The following SCRN3 variants were observed in gnomAD, a reference collection of about 807,000 sequenced individuals.
SCRN3 encodes secernin-3.
SCRN3 carries 39 observed loss-of-function variants against 43.1 expected under a neutral mutation model. The observed-to-expected ratio is 0.91, with a 90% CI of 0.70 to 1.18. The LOEUF is 1.18. Among genes scored for constraint, SCRN3 ranks in the 50% most tolerant of loss-of-function variants. The probability of loss-of-function intolerance (pLI) is 0.00; values close to 1 mark genes in which losing one functional copy is unlikely to be tolerated. For missense variants in SCRN3, 484 were observed against 498.0 expected, an observed-to-expected ratio of 0.97 and a Z score of 0.27; for synonymous variants, 147 against 163.1, an observed-to-expected ratio of 0.90 and a Z score of 0.75.
intron 5 of SCRN3, among the ~76,000 whole-genome samples, chr2:174,417,975 C>G (rs971794588): frequency 2.6e-5 from 4 of 151,984 alleles, no homozygotes; most frequent in African/African-American, 9.7e-5. Flanking sequence ...CTTAAAGGCT[C>G]AGGAAATAAA....
intron 3 of SCRN3, among the ~76,000 whole-genome samples, chr2:174,400,305 G>T (rs1276371240): frequency 6.6e-6 from 1 of 151,266 alleles, no homozygotes; most frequent in Admixed American, 6.6e-5. Flanking sequence ...TTATTTTTTT[G>T]AGATGAGATC....
At chr2:174,404,584 C>A in intron 5 of SCRN3, among the ~76,000 whole-genome samples, 1 of 129,872 alleles carries the variant, frequency 7.7e-6, no homozygotes, top group Non-Finnish European at 1.6e-5. Flanking sequence ...TTAGGTATAT[C>A]TCCCAATGCT....
intron 5 of SCRN3, among the ~76,000 whole-genome samples, chr2:174,418,672 A>T (rs1686195505): frequency 6.6e-6 from 1 of 152,214 alleles, no homozygotes. Flanking sequence ...TCACAGTATT[A>T]TGGTTCTGAC....
Position 174,428,318 on chromosome 2 carries a change from C to T in SCRN3, c.*423C>T, listed in dbSNP as rs1686560028. On this transcript the variant is annotated 3_prime_UTR_variant, in exon 8 of 8. Transcript: ENST00000272732. The stretch of plus-strand genomic sequence containing the variant: ...ATTTTTCTTTAGTCATGAAAAATAT[C>T]TCAAGTGGTAAGTTGTTTGTGCTTT... The T allele has an allele frequency of 6.5e-6, 1 of 152,798 alleles. No individual in the cohort carries two copies. The highest frequency in any genetic ancestry group is 1.5e-5 in the Non-Finnish European group (1 of 68,180). The allele number at this position is 152,798 out of a possible 1,614,324, so 9.5% of individuals were successfully genotyped here.
chr2:174,425,629 C>T (rs576141811), intron 7 of SCRN3, among the ~76,000 whole-genome samples: 2 of 152,166 alleles, frequency 1.3e-5, no homozygotes, highest in East Asian at 1.9e-4. Flanking sequence ...AAGCAACAAG[C>T]TCTGCCAGAC....
chr2:174,401,565 G>T (rs1451494662), intron 4 of SCRN3, among the ~76,000 whole-genome samples: 1 of 152,190 alleles, frequency 6.6e-6, no homozygotes, highest in East Asian at 1.9e-4. Context: ...TGGGAGTGGG[G>T]TTAGAGACAG....
intron 5 of SCRN3, among the ~76,000 whole-genome samples, chr2:174,411,045 A>T (rs1452631798): frequency 6.6e-6 from 1 of 152,150 alleles, no homozygotes. Context: ...TATTACGGCT[A>T]TGAGTCTGAA....
chr2:174,424,620 C>T lies in SCRN3; in HGVS notation c.1063C>T (p.Gln355Ter), dbSNP rs145245792. Residue 355 changes from glutamine to a stop codon, truncating the protein, a stop_gained, in exon 7 of 8, where the codon CAG becomes TAG. Transcript: ENST00000272732. LOFTEE classifies it high-confidence loss of function. The part of the protein sequence containing the change: ...RRHPLYQKHQ[Q>*]ALEVVNNNEE... ...ACACCCACTCTACCAAAAACATCAA[C>T]AGGCATTGGAAGTAGTAAATAATAA... is the stretch of plus-strand genomic sequence containing the variant. The T allele has an allele frequency of 1.9e-6, 3 of 1,612,568 alleles. No individual in the cohort carries two copies. The highest frequency in any genetic ancestry group is 2.5e-6 in the Non-Finnish European group (3 of 1,179,114).
At chr2:174,417,774 TCTC>T (rs1329507873) in intron 5 of SCRN3, among the ~76,000 whole-genome samples, 4 of 152,230 alleles carry the variant, frequency 2.6e-5, no homozygotes, top group Non-Finnish European at 4.4e-5. Context: ...TTTGTGCTCT[TCTC>T]TATGAAACTG....
At chr2:174,422,835 G>C in intron 5 of SCRN3, 50 bp from the exon 6 acceptor site, 2 of 1,166,074 alleles carry the variant, frequency 1.7e-6, no homozygotes, top group Non-Finnish European at 2.5e-6. Context: ...TATTTGCAAG[G>C]CATCCGTATA....
intron 5 of SCRN3, among the ~76,000 whole-genome samples, chr2:174,421,737 G>A (rs951130498): frequency 1.3e-5 from 2 of 152,128 alleles, no homozygotes; most frequent in African/African-American, 4.8e-5. Context: ...TCTGTCACAG[G>A]CATTTCTCCT....
rs528856445 is a variant in SCRN3, at chr2:174,403,148, G to T, written c.542-955G>T. On this transcript the variant is annotated intron_variant, in intron 4 of 7. Coordinates refer to ENST00000272732, the MANE Select transcript of SCRN3 (RefSeq NM_024583.5). ...TATGAAGAGTCATTTCACCCAAAGGGATATACAGATTTGAAATAAGCATGA... is the reference window on the plus strand; with the variant it reads ...TATGAAGAGTCATTTCACCCAAAGGTATATACAGATTTGAAATAAGCATGA... 3.3e-4 allele frequency among the ~76,000 whole-genome samples: 50 copies of T among 151,602 alleles called. No homozygotes were observed. The South Asian group carries it at 9.6e-3, about 29-fold the overall frequency.
At chr2:174,401,287 C>A in intron 4 of SCRN3, 98 bp downstream of exon 4, 3 of 950,712 alleles carry the variant, frequency 3.2e-6, no homozygotes, top group Non-Finnish European at 4.8e-6. Context: ...GATTAATAAT[C>A]TAGTGTAATG....
chr2:174,422,749 A>T, intron 5 of SCRN3, 136 bp from the exon 6 acceptor site: 1 of 523,690 alleles, frequency 1.9e-6, no homozygotes, highest in Non-Finnish European at 3.4e-6. Flanking sequence ...AGTTGATACA[A>T]AGTTTGTTTA....
At chr2:174,423,129 T>C (rs1686354415) in intron 6 of SCRN3, 82 bp downstream of exon 6, 1 of 1,191,208 alleles carries the variant, frequency 8.4e-7, no homozygotes, top group South Asian at 1.8e-5. Flanking sequence ...TTTGTCAGGA[T>C]AAATTTTTGT....
intron 2 of SCRN3, 24 bp from the exon 3 acceptor site, chr2:174,399,898 A>T (rs1574643432): frequency 6.6e-6 from 6 of 909,052 alleles, no homozygotes; most frequent in Non-Finnish European, 4.4e-6. Flanking sequence ...TCTTGCTATG[A>T]CTTTTTTTTT....
At chr2:174,427,487 G>A (rs1449076683) in intron 7 of SCRN3, among the ~76,000 whole-genome samples, 3 of 151,860 alleles carry the variant, frequency 2.0e-5, no homozygotes, top group Admixed American at 2.0e-4. Context: ...AATTGTTTTT[G>A]TCTTTTCTAC....
At chr2:174,403,964 T>C (rs1685590982) in intron 4 of SCRN3, 139 bp from the exon 5 acceptor site, 1 of 593,384 alleles carries the variant, frequency 1.7e-6, no homozygotes, top group Non-Finnish European at 3.0e-6. Flanking sequence ...TTTTTGAATA[T>C]GTAATAGATG....
At position 174,424,500 on chromosome 2, in the gene SCRN3, G is replaced by C; in HGVS notation, c.943G>C (p.Val315Leu). The change falls in exon 7 of 8, where the codon GTG (valine) becomes CTG (leucine). Residue 315 changes from valine to leucine, a missense_variant. Transcript: ENST00000272732. ...ATCTGTTTTTAAGCCTTTCATATTTGTGCCACATATTTCACAACTATTGGA... is the reference window on the plus strand; with the variant it reads ...ATCTGTTTTTAAGCCTTTCATATTTCTGCCACATATTTCACAACTATTGGA... ...ERSVFKPFIF[V>L]PHISQLLDTS... The C allele has an allele frequency of 6.2e-7, 1 of 1,608,514 alleles. No individual in the cohort carries two copies. Among genetic ancestry groups the C allele is most frequent in the South Asian group, 1.1e-5 (1 of 90,134 alleles).
Sources: allele counts gnomAD v4.1 joint callset (sites outside exome capture counted in the v4.1 genomes callset), GRCh38; gene constraint gnomAD v4.1.1; transcripts MANE v1.5; gene names NCBI Gene and HGNC (gene_info 2026-07-23, HGNC 2026-07-21).